BCL2L2: variants seen among roughly 807,000 people sequenced by gnomAD.
BCL2L2 encodes BCL2 like 2, also known as bcl-2-like protein 2.
A neutral mutation model predicts 14.6 loss-of-function variants in BCL2L2; 6 were observed. The ratio of observed to expected loss-of-function variants is 0.41; its 90% confidence interval spans 0.22 to 0.81. The LOEUF (loss-of-function observed/expected upper bound fraction) is 0.81. Among genes scored for constraint, BCL2L2 ranks in the 30% least tolerant of loss-of-function variants. The pLI is 0.32. For missense variants in BCL2L2, 191 were observed against 260.5 expected (o/e 0.73, Z 1.84); for synonymous variants, 90 against 108.5 (o/e 0.83, Z 1.06).
rs770928859 is a variant in BCL2L2 at position 23,308,096 on chromosome 14, G to C, written c.329G>C (p.Ser110Thr). Reference protein sequence around the residue: ...FVFGAALCAESVNKEMEPLVG... With the variant: ...FVFGAALCAETVNKEMEPLVG... ...TTTGGGGCTGCACTGTGTGCTGAGA[G>C]TGTCAACAAGGAGATGGAACCACTG... is the stretch of plus-strand genomic sequence containing the variant. The change falls in exon 3 of 4, where the codon AGT becomes ACT. Residue 110 changes from serine to threonine, a missense_variant. Coordinates refer to ENST00000250405, the MANE Select transcript of BCL2L2 (RefSeq NM_004050.5). The surrounding 1 kb of genome is among the most constrained non-coding windows in gnomAD (Gnocchi z 5.4). The C allele has an allele frequency of 6.2e-7, 1 of 1,613,950 alleles. No homozygotes were observed. Among genetic ancestry groups the C allele is most frequent in the Admixed American group, 1.7e-5 (1 of 60,026 alleles).
chr14:23,308,296 T>C lies in BCL2L2; in HGVS notation c.432+97T>C, dbSNP rs1462376074. On this transcript the variant is annotated intron_variant, in intron 3 of 3. Transcript: ENST00000250405. This position sits in a 1 kb window ranked among gnomAD's most constrained non-coding sequence, Gnocchi z 5.4. ...CTGATTGGAGGCTGAGGCAGCTATG[T>C]TGGGAATGAGGTACGGGGCTGAGTC... The C allele has an allele frequency of 6.9e-7, 1 of 1,445,858 alleles. No homozygotes were observed. Among genetic ancestry groups the C allele is most frequent in the Non-Finnish European group, 9.1e-7 (1 of 1,100,744 alleles). The allele number at this position is 1,445,858 out of a possible 1,614,324, so 89.6% of individuals were successfully genotyped here.
Position 23,308,253 on chromosome 14 carries a change from A to AG in BCL2L2, c.432+59dup. The AG allele has an allele frequency of 6.6e-7, 1 of 1,520,554 alleles. No homozygotes were observed. 94.2% of individuals were successfully genotyped at this position (1,520,554 alleles called of 1,614,324 possible). A position where few individuals can be genotyped will look rare whatever the true frequency, so the allele number is the denominator to read the frequency against. On this transcript the variant is annotated intron_variant, in intron 3 of 3. Transcript: ENST00000250405. The surrounding 1 kb of genome is among the most constrained non-coding windows in gnomAD (Gnocchi z 5.4). ...ACATCCTTCTGCAAAGCTGGTCTCCAGGGGGAAGATGGGGGCTCTGATTGG... is the reference window on the plus strand; with the variant it reads ...ACATCCTTCTGCAAAGCTGGTCTCCAGGGGGGAAGATGGGGGCTCTGATTGG...
rs922025827 is a variant in BCL2L2, at chr14:23,309,759, C to A, written c.*794C>A. The A allele has an allele frequency of 1.0e-5, 10 of 985,462 alleles. No individual in the cohort carries two copies. Among genetic ancestry groups the A allele is most frequent in the Non-Finnish European group, 1.2e-5 (10 of 830,028 alleles). The allele number at this position is 985,462 out of a possible 1,614,324, so 61.0% of individuals were successfully genotyped here. ...TATGCACTTGCTGCTGCCTCCTGGG[C>A]TCTGATAGAAGGGCAGGGCTGTTGA... On this transcript the variant is annotated 3_prime_UTR_variant, in exon 4 of 4. Coordinates refer to ENST00000250405, the MANE Select transcript of BCL2L2 (RefSeq NM_004050.5).
chr14:23,311,534 C>T lies in BCL2L2; in HGVS notation c.*2569C>T, dbSNP rs1049485. 2 of 990,354 alleles carry T rather than the reference C, an allele frequency of 2.0e-6. No homozygotes were observed. Among genetic ancestry groups the T allele is most frequent in the African/African-American group, 3.5e-5 (2 of 57,360 alleles). The allele number at this position is 990,354 out of a possible 1,614,324, so 61.3% of individuals were successfully genotyped here. A position where few individuals can be genotyped will look rare whatever the true frequency, so the allele number is the denominator to read the frequency against. On this transcript the variant is annotated 3_prime_UTR_variant, in exon 4 of 4. Coordinates refer to ENST00000250405, the MANE Select transcript of BCL2L2 (RefSeq NM_004050.5). The stretch of plus-strand genomic sequence containing the variant: ...TTATTAATCCCACTCCCCACTTATT[C>T]TAGGGCACACAAACACTATTTTACT...
At position 23,309,515 on chromosome 14, in the gene BCL2L2, C is replaced by T. The variant is rs905949506; in HGVS notation, c.*550C>T. 5.1e-6 allele frequency: 5 copies of T among 985,696 alleles called. No individual in the cohort carries two copies. The highest frequency in any genetic ancestry group is 3.5e-5 in the African/African-American group (2 of 57,218). 61.1% of individuals were successfully genotyped at this position (985,696 alleles called of 1,614,324 possible). ...TGGGATTCCTCAAGGAGAAAACATT[C>T]CCTCTTGCAATGGCAAGAACTAGGG... On this transcript the variant is annotated 3_prime_UTR_variant, in exon 4 of 4. Transcript: ENST00000250405.
Position 23,310,717 on chromosome 14 carries a change from G to T in BCL2L2, c.*1752G>T. ...TTGCTCAGGACAAACTAGGCCAGTG[G>T]TTTTCAAACTGCTTGGCAGAGCCCT... On this transcript the variant is annotated 3_prime_UTR_variant, in exon 4 of 4. Transcript: ENST00000250405. 1 of 1,184,340 alleles carries T rather than the reference G, an allele frequency of 8.4e-7. No homozygotes were observed. 73.4% of individuals were successfully genotyped at this position (1,184,340 alleles called of 1,614,324 possible).
In BCL2L2 at chr14:23,310,339, T is replaced by C. The variant is rs1887529439; in HGVS notation, c.*1374T>C. The C allele has an allele frequency of 3.0e-6, 3 of 987,612 alleles. No individual in the cohort carries two copies. Among genetic ancestry groups the C allele is most frequent in the African/African-American group, 1.7e-5 (1 of 57,234 alleles). 61.2% of individuals were successfully genotyped at this position (987,612 alleles called of 1,614,324 possible). ...TGAGCCAGACCTCACTGCTGCACTT[T>C]CCAAGGTGCTAAGATTGCTGCTCTC... is the stretch of plus-strand genomic sequence containing the variant. On this transcript the variant is annotated 3_prime_UTR_variant, in exon 4 of 4. Transcript: ENST00000250405.
Position 23,309,347 on chromosome 14 carries a change from A to C in BCL2L2, c.*382A>C. The C allele has an allele frequency of 9.8e-7, 1 of 1,021,684 alleles. No homozygotes were observed. The allele number at this position is 1,021,684 out of a possible 1,614,324, so 63.3% of individuals were successfully genotyped here. On this transcript the variant is annotated 3_prime_UTR_variant, in exon 4 of 4. Transcript: ENST00000250405. ...ATGAGTGGGATTTAGGGAACGCAGA[A>C]GGCACATCCCTTTGGAATGGAAGCT...
In BCL2L2 at chr14:23,309,296, T is replaced by C; in HGVS notation, c.*331T>C. On this transcript the variant is annotated 3_prime_UTR_variant, in exon 4 of 4. Coordinates refer to ENST00000250405, the MANE Select transcript of BCL2L2 (RefSeq NM_004050.5). ...CTTCACAGCCCTGAGGAAGGTGGAC[T>C]TACATAAGCAGCTGTATTCCATTAG... 1 of 1,113,810 alleles carries C rather than the reference T, an allele frequency of 9.0e-7. No individual in the cohort carries two copies. The highest frequency in any genetic ancestry group is 1.1e-6 in the Non-Finnish European group (1 of 912,476). The allele number at this position is 1,113,810 out of a possible 1,614,324, so 69.0% of individuals were successfully genotyped here. A position where few individuals can be genotyped will look rare whatever the true frequency, so the allele number is the denominator to read the frequency against.
At position 23,308,992 on chromosome 14, in the gene BCL2L2, G is replaced by C. The variant is rs780543579; in HGVS notation, c.*27G>C. The C allele has an allele frequency of 2.0e-5, 27 of 1,320,322 alleles. No individual in the cohort carries two copies. The highest frequency in any genetic ancestry group is 2.5e-5 in the Non-Finnish European group (26 of 1,026,244). 81.8% of individuals were successfully genotyped at this position (1,320,322 alleles called of 1,614,324 possible). ...AGTCCAGGGCCAGGTGGGGCTAGGTGTGGCTGGGGGCCAGGAGAGCAGGAA... is the reference window on the plus strand; with the variant it reads ...AGTCCAGGGCCAGGTGGGGCTAGGTCTGGCTGGGGGCCAGGAGAGCAGGAA... On this transcript the variant is annotated 3_prime_UTR_variant, in exon 4 of 4. Transcript: ENST00000250405. The surrounding 1 kb of genome is among the most constrained non-coding windows in gnomAD (Gnocchi z 5.4).
Position 23,311,080 on chromosome 14 carries a change from C to A in BCL2L2, c.*2115C>A, listed in dbSNP as rs1887586444. The A allele has an allele frequency of 7.8e-7, 1 of 1,289,284 alleles. No individual in the cohort carries two copies. Among genetic ancestry groups the A allele is most frequent in the Non-Finnish European group, 1.0e-6 (1 of 988,684 alleles). The allele number at this position is 1,289,284 out of a possible 1,614,324, so 79.9% of individuals were successfully genotyped here. ...AGCTGCAGGGACCATGGCCAGGTTA[C>A]CAAAATGCCCTGCTCTGAAGCCTTG... On this transcript the variant is annotated 3_prime_UTR_variant, in exon 4 of 4. Coordinates refer to ENST00000250405, the MANE Select transcript of BCL2L2 (RefSeq NM_004050.5).
In BCL2L2 at chr14:23,308,762, T is replaced by C; in HGVS notation, c.433-54T>C. The C allele has an allele frequency of 7.8e-7, 1 of 1,275,054 alleles. No individual in the cohort carries two copies. The highest frequency in any genetic ancestry group is 1.0e-6 in the Non-Finnish European group (1 of 985,320). 79.0% of individuals were successfully genotyped at this position (1,275,054 alleles called of 1,614,324 possible). A position where few individuals can be genotyped will look rare whatever the true frequency, so the allele number is the denominator to read the frequency against. On this transcript the variant is annotated intron_variant, in intron 3 of 3. Coordinates refer to ENST00000250405, the MANE Select transcript of BCL2L2 (RefSeq NM_004050.5). This position sits in a 1 kb window ranked among gnomAD's most constrained non-coding sequence, Gnocchi z 5.4. The stretch of plus-strand genomic sequence containing the variant: ...CTCTCCTCTTCTCTCCACTCTTTCC[T>C]CTCCTGATATCCCTTTCTCCTTCTT...
In BCL2L2 at chr14:23,308,703, G is replaced by T; in HGVS notation, c.433-113G>T. 1 of 871,112 alleles carries T rather than the reference G, an allele frequency of 1.1e-6. No homozygotes were observed. Among genetic ancestry groups the T allele is most frequent in the Non-Finnish European group, 1.6e-6 (1 of 623,088 alleles). The allele number at this position is 871,112 out of a possible 1,614,324, so 54.0% of individuals were successfully genotyped here. A position where few individuals can be genotyped will look rare whatever the true frequency, so the allele number is the denominator to read the frequency against. On this transcript the variant is annotated intron_variant, in intron 3 of 3. Coordinates refer to ENST00000250405, the MANE Select transcript of BCL2L2 (RefSeq NM_004050.5). The surrounding 1 kb of genome is among the most constrained non-coding windows in gnomAD (Gnocchi z 5.4). ...TGGCCAGAGAGGAGCTGGGTATGGGGTAGTGCTCGCAGTGGATGGAACTGG... is the reference window on the plus strand; with the variant it reads ...TGGCCAGAGAGGAGCTGGGTATGGGTTAGTGCTCGCAGTGGATGGAACTGG...
In BCL2L2 at chr14:23,308,711, C is replaced by T. The variant is rs890534090; in HGVS notation, c.433-105C>T. On this transcript the variant is annotated intron_variant, in intron 3 of 3. Coordinates refer to ENST00000250405, the MANE Select transcript of BCL2L2 (RefSeq NM_004050.5). The surrounding 1 kb of genome is among the most constrained non-coding windows in gnomAD (Gnocchi z 5.4). ...GAGGAGCTGGGTATGGGGTAGTGCTCGCAGTGGATGGAACTGGAACTCTTC... is the reference window on the plus strand; with the variant it reads ...GAGGAGCTGGGTATGGGGTAGTGCTTGCAGTGGATGGAACTGGAACTCTTC... 11 of 966,644 alleles carry T rather than the reference C, an allele frequency of 1.1e-5. No homozygotes were observed. The highest frequency in any genetic ancestry group is 2.3e-4 in the Middle Eastern group (1 of 4,302). 59.9% of individuals were successfully genotyped at this position (966,644 alleles called of 1,614,324 possible).
chr14:23,310,773 T>C lies in BCL2L2; in HGVS notation c.*1808T>C, dbSNP rs1887563268. The C allele has an allele frequency of 5.0e-6, 6 of 1,199,378 alleles. No homozygotes were observed. The highest frequency in any genetic ancestry group is 1.6e-5 in the African/African-American group (1 of 62,730). 74.3% of individuals were successfully genotyped at this position (1,199,378 alleles called of 1,614,324 possible). A position where few individuals can be genotyped will look rare whatever the true frequency, so the allele number is the denominator to read the frequency against. On this transcript the variant is annotated 3_prime_UTR_variant, in exon 4 of 4. Coordinates refer to ENST00000250405, the MANE Select transcript of BCL2L2 (RefSeq NM_004050.5). ...TTCCTAGGGGTTGCCTCAGGAGTCCTTGGGGAGATGAAGGGGGTGGGGAGC... is the reference window on the plus strand; with the variant it reads ...TTCCTAGGGGTTGCCTCAGGAGTCCCTGGGGAGATGAAGGGGGTGGGGAGC...
rs1887343568 is a variant in BCL2L2, at chr14:23,307,894, C to A, written c.127C>A (p.His43Asn). The A allele has an allele frequency of 6.2e-7, 1 of 1,613,378 alleles. No individual in the cohort carries two copies. The highest frequency in any genetic ancestry group is 2.2e-5 in the East Asian group (1 of 44,872). The change falls in exon 3 of 4, where the codon CAC becomes AAC. Residue 43 changes from histidine (H) to asparagine (N), a missense_variant. His to Asn is a moderately conservative substitution (Grantham distance 68). Coordinates refer to ENST00000250405, the MANE Select transcript of BCL2L2 (RefSeq NM_004050.5). Reference sequence around the variant, plus strand: ...GGAGGGCCCAGCAGCTGACCCGCTGCACCAAGCCATGCGGGCAGCTGGAGA... The same window carrying A: ...GGAGGGCCCAGCAGCTGACCCGCTGAACCAAGCCATGCGGGCAGCTGGAGA... The part of the protein sequence containing the change: ...PGEGPAADPL[H>N]QAMRAAGDEF...
At position 23,311,414 on chromosome 14, in the gene BCL2L2, G is replaced by T; in HGVS notation, c.*2449G>T. 2 of 1,082,962 alleles carry T rather than the reference G, an allele frequency of 1.8e-6. No individual in the cohort carries two copies. The highest frequency in any genetic ancestry group is 4.9e-5 in the South Asian group (2 of 40,614). 67.1% of individuals were successfully genotyped at this position (1,082,962 alleles called of 1,614,324 possible). A position where few individuals can be genotyped will look rare whatever the true frequency, so the allele number is the denominator to read the frequency against. ...CCATTTTTCAAAGATTAAGTAGGAG[G>T]AGAGGGGTTTCTTGCTCTCCAGAGC... On this transcript the variant is annotated 3_prime_UTR_variant, in exon 4 of 4. Transcript: ENST00000250405.
chr14:23,311,107 C>T lies in BCL2L2; in HGVS notation c.*2142C>T, dbSNP rs1342253604. On this transcript the variant is annotated 3_prime_UTR_variant, in exon 4 of 4. Coordinates refer to ENST00000250405, the MANE Select transcript of BCL2L2 (RefSeq NM_004050.5). ...AAAATGCCCTGCTCTGAAGCCTTGA[C>T]ACCTGGGTGGAAAGAGAGGCTGTTT... 5 of 1,288,872 alleles carry T rather than the reference C, an allele frequency of 3.9e-6. No homozygotes were observed. The highest frequency in any genetic ancestry group is 2.5e-5 in the South Asian group (2 of 80,990). The allele number at this position is 1,288,872 out of a possible 1,614,324, so 79.8% of individuals were successfully genotyped here.
In BCL2L2 at chr14:23,308,297, T is replaced by G. The variant is rs897992823; in HGVS notation, c.432+98T>G. On this transcript the variant is annotated intron_variant, in intron 3 of 3. Transcript: ENST00000250405. The surrounding 1 kb of genome is among the most constrained non-coding windows in gnomAD (Gnocchi z 5.4). ...TGATTGGAGGCTGAGGCAGCTATGT[T>G]GGGAATGAGGTACGGGGCTGAGTCT... The G allele has an allele frequency of 5.6e-5, 81 of 1,444,244 alleles. No homozygotes were observed. The highest frequency in any genetic ancestry group is 7.1e-5 in the Non-Finnish European group (78 of 1,099,520). 89.5% of individuals were successfully genotyped at this position (1,444,244 alleles called of 1,614,324 possible).
Sources: allele counts gnomAD v4.1 joint callset, GRCh38; gene constraint gnomAD v4.1.1; non-coding constraint Gnocchi (gnomAD v3.1); transcripts MANE v1.5; gene names NCBI Gene and HGNC (gene_info 2026-07-23, HGNC 2026-07-21).